The following EPN2 variants were observed in gnomAD, a reference collection of about 807,000 sequenced individuals.
EPN2 encodes the protein epsin-2.
EPN2 carries 34 observed loss-of-function variants against 61.7 expected under a neutral mutation model. The observed-to-expected ratio is 0.55, with a 90% CI of 0.42 to 0.73. EPN2 has a LOEUF of 0.73. Ranked by LOEUF, EPN2 falls within the 30% of genes least tolerant of loss-of-function variation. The probability of loss-of-function intolerance (pLI) is 0.00; values close to 1 mark genes in which losing one functional copy is unlikely to be tolerated. For missense variants in EPN2, 714 were observed against 839.2 expected, an observed-to-expected ratio of 0.85 and a Z score of 1.84; for synonymous variants, 349 against 353.6, an observed-to-expected ratio of 0.99 and a Z score of 0.15.
intron 1 of EPN2, among the ~76,000 whole-genome samples, chr17:19,268,597 G>C (rs2085262008): frequency 6.6e-6 from 1 of 152,198 alleles, no homozygotes; most frequent in South Asian, 2.1e-4. Context: ...ATATATTGCA[G>C]AGTTTGTATA....
intron 1 of EPN2, among the ~76,000 whole-genome samples, chr17:19,263,624 T>C (rs897203663): frequency 6.6e-6 from 1 of 152,214 alleles, no homozygotes; most frequent in Non-Finnish European, 1.5e-5. Context: ...CTGTATGTTA[T>C]CCTCTCTCTT....
chr17:19,248,716 G>A (rs561044678), intron 1 of EPN2, among the ~76,000 whole-genome samples: 3 of 152,142 alleles, frequency 2.0e-5, no homozygotes, highest in African/African-American at 7.2e-5. Flanking sequence ...GGCTGGGAAC[G>A]CCTGAGTGAA....
chr17:19,290,699 T>A (rs1483537617), intron 4 of EPN2, among the ~76,000 whole-genome samples: 62 of 4,914 alleles, frequency 0.013, 1 homozygote, highest in Non-Finnish European at 0.041. Flanking sequence ...ATTCCCGTTC[T>A]CAAAAAAAAA....
intron 1 of EPN2, among the ~76,000 whole-genome samples, chr17:19,245,368 C>T (rs528662285): frequency 3.2e-4 from 48 of 151,874 alleles, no homozygotes; most frequent in African/African-American, 1.1e-3. Flanking sequence ...ACTGAAAACC[C>T]TCTACTAATG....
At chr17:19,317,772 A>C (rs1906457012) in intron 7 of EPN2, among the ~76,000 whole-genome samples, 1 of 152,220 alleles carries the variant, frequency 6.6e-6, no homozygotes, top group Non-Finnish European at 1.5e-5. Context: ...GGGAGAGCAC[A>C]GAGAGAAGCC....
At chr17:19,289,171 G>A (rs1356927038) in intron 4 of EPN2, among the ~76,000 whole-genome samples, 1 of 137,666 alleles carries the variant, frequency 7.3e-6, no homozygotes, top group Non-Finnish European at 1.5e-5. Context: ...TGCAAGCTCT[G>A]CCTCCCGGGT....
chr17:19,328,049 T>G (rs562000392), intron 7 of EPN2, among the ~76,000 whole-genome samples: 61 of 152,324 alleles, frequency 4.0e-4, no homozygotes, highest in East Asian at 9.6e-4. Flanking sequence ...TTGTGTGTGT[T>G]TTTTCTTTTT....
chr17:19,332,561 C>G (rs1290820121), intron 10 of EPN2, among the ~76,000 whole-genome samples: 1 of 152,196 alleles, frequency 6.6e-6, no homozygotes, highest in Non-Finnish European at 1.5e-5. Context: ...GGCCAAGCCC[C>G]CAGCTGTTCA....
rs1242170156 is a variant in EPN2 at position 19,279,461 on chromosome 17, C to T, written c.-293-2494C>T. ...CTTTTTTTGTTTTTTTTTTTTGAGA[C>T]AGAGTCTCACTGTGTCACCCAGGCT... On this transcript the variant is annotated intron_variant, in intron 1 of 10. Transcript: ENST00000314728. Among the ~76,000 whole-genome samples the T allele has an allele frequency of 8.0e-5, 12 of 150,420 alleles. 1 individual carries two copies. The South Asian group carries it at 2.3e-3, about 29-fold the overall frequency.
At chr17:19,275,025 G>A (rs955869007) in intron 1 of EPN2, among the ~76,000 whole-genome samples, 2 of 152,148 alleles carry the variant, frequency 1.3e-5, no homozygotes, top group African/African-American at 4.8e-5. Flanking sequence ...TGTGGTTCCC[G>A]TCATGAGTCA....
At chr17:19,259,687 C>T (rs1025140946) in intron 1 of EPN2, among the ~76,000 whole-genome samples, 1 of 152,162 alleles carries the variant, frequency 6.6e-6, no homozygotes, top group African/African-American at 2.4e-5. Flanking sequence ...TACACTCTCC[C>T]TGTTCCCTGA....
At chr17:19,278,526 G>A (rs561008430) in intron 1 of EPN2, among the ~76,000 whole-genome samples, 1 of 152,312 alleles carries the variant, frequency 6.6e-6, no homozygotes, top group South Asian at 2.1e-4. Context: ...GCATGGGAAA[G>A]ACTGGCCCGC....
intron 7 of EPN2, among the ~76,000 whole-genome samples, chr17:19,326,580 G>A (rs185762650): frequency 1.3e-5 from 2 of 151,602 alleles, no homozygotes; most frequent in East Asian, 1.9e-4. Context: ...CCAGCTACTC[G>A]GGAGGCTGAG....
chr17:19,275,713 AG>A (rs1200006800), intron 1 of EPN2, among the ~76,000 whole-genome samples: 7 of 152,350 alleles, frequency 4.6e-5, no homozygotes, highest in African/African-American at 1.7e-4. Context: ...CTTTCCAAGA[AG>A]AGGGGGATTA....
chr17:19,246,898 G>T (rs889479230), intron 1 of EPN2, among the ~76,000 whole-genome samples: 5 of 151,508 alleles, frequency 3.3e-5, no homozygotes, highest in African/African-American at 1.2e-4. Context: ...CTCCCAAGTA[G>T]CTGGGACTAC....
At chr17:19,326,444 T>G (rs9914438) in intron 7 of EPN2, among the ~76,000 whole-genome samples, 58 of 152,226 alleles carry the variant, frequency 3.8e-4, no homozygotes, top group African/African-American at 1.2e-3. Flanking sequence ...CCCAGCACTT[T>G]GGGAGGCCAA....
chr17:19,244,470 AAAAG>A (rs1053803917), intron 1 of EPN2, among the ~76,000 whole-genome samples: 50 of 152,184 alleles, frequency 3.3e-4, no homozygotes, highest in Admixed American at 4.6e-4. Flanking sequence ...AAAAAAAAAA[AAAAG>A]AAAGAATTGT....
chr17:19,245,126 T>C (rs922077965), intron 1 of EPN2, among the ~76,000 whole-genome samples: 1 of 152,168 alleles, frequency 6.6e-6, no homozygotes, highest in African/African-American at 2.4e-5. Context: ...GTTGTTTCTA[T>C]GATAACAGCT....
chr17:19,256,550 C>G (rs2045081851), intron 1 of EPN2, among the ~76,000 whole-genome samples: 1 of 151,524 alleles, frequency 6.6e-6, no homozygotes, highest in South Asian at 2.1e-4. Flanking sequence ...AGGATGGAGT[C>G]TGGGAGGATA....
Sources: allele counts gnomAD v4.1 joint callset (sites outside exome capture counted in the v4.1 genomes callset), GRCh38; gene constraint gnomAD v4.1.1; transcripts MANE v1.5; gene names NCBI Gene and HGNC (gene_info 2026-07-23, HGNC 2026-07-21).